Variants in GPR176 observed in about 807,000 individuals in gnomAD.
The protein encoded by GPR176 is G-protein coupled receptor 176.
GPR176 carries 26 observed loss-of-function variants against 35.4 expected under a neutral mutation model. That is an observed-to-expected ratio of 0.74 (90% CI 0.54 to 1.02). The LOEUF is 1.02. Ranked by LOEUF, GPR176 falls within the 50% of genes least tolerant of loss-of-function variation. The pLI is 0.00. For missense variants in GPR176, 597 were observed against 665.3 expected, an observed-to-expected ratio of 0.90 and a Z score of 1.13; for synonymous variants, 278 against 271.3, an observed-to-expected ratio of 1.02 and a Z score of -0.24.
chr15:39,902,290 A>G (rs1383253999), intron 1 of GPR176, among the ~76,000 whole-genome samples: 1 of 152,214 alleles, frequency 6.6e-6, no homozygotes, highest in East Asian at 1.9e-4. Flanking sequence ...GCCAGGCTAG[A>G]ATTTACCCTT....
At chr15:39,887,579 T>C (rs1281601002) in intron 1 of GPR176, among the ~76,000 whole-genome samples, 2 of 137,296 alleles carry the variant, frequency 1.5e-5, no homozygotes, top group Non-Finnish European at 3.1e-5. Context: ...TTATGCAGCA[T>C]CCAACAGTTA....
In GPR176 at chr15:39,919,876, TGAC is replaced by T; in HGVS notation, c.148_150del (p.Val50del). ...TTACCGAGCAGCGAGCCTATGAAGATGACGACCTGCACGGTGGTGGTGAACTGG... is the reference window on the plus strand; with the variant it reads ...TTACCGAGCAGCGAGCCTATGAAGATGACCTGCACGGTGGTGGTGAACTGG... On this transcript the variant is annotated inframe_deletion, in exon 1 of 3. Transcript: ENST00000561100. The T allele has an allele frequency of 6.8e-7, 1 of 1,476,268 alleles. No homozygotes were observed. Among genetic ancestry groups the T allele is most frequent in the Non-Finnish European group, 9.0e-7 (1 of 1,115,026 alleles). 91.4% of individuals were successfully genotyped at this position (1,476,268 alleles called of 1,614,324 possible). A position where few individuals can be genotyped will look rare whatever the true frequency, so the allele number is the denominator to read the frequency against.
intron 1 of GPR176, among the ~76,000 whole-genome samples, chr15:39,841,216 C>T (rs761874328): frequency 4.6e-5 from 7 of 152,100 alleles, no homozygotes; most frequent in African/African-American, 9.7e-5. Context: ...CCCATTAAGG[C>T]TTGACAATGG....
chr15:39,910,018 C>G, intron 1 of GPR176: 1 of 228,158 alleles, frequency 4.4e-6, no homozygotes, highest in Non-Finnish European at 7.3e-6. Context: ...ACTAAGAACG[C>G]TGATGAATAC....
chr15:39,883,271 C>T (rs1033672510), intron 1 of GPR176, among the ~76,000 whole-genome samples: 3 of 152,058 alleles, frequency 2.0e-5, no homozygotes, highest in Admixed American at 6.5e-5. Context: ...GGAAAAAACA[C>T]TAGATAAGGA....
At chr15:39,875,934 A>T (rs186812160) in intron 1 of GPR176, among the ~76,000 whole-genome samples, 376 of 144,022 alleles carry the variant, frequency 2.6e-3, no homozygotes, top group African/African-American at 8.9e-3. Context: ...TATATATATG[A>T]GTTTAAATAT....
chr15:39,888,663 C>T (rs938103040), intron 1 of GPR176, among the ~76,000 whole-genome samples: 1 of 152,204 alleles, frequency 6.6e-6, no homozygotes, highest in Admixed American at 6.5e-5. Flanking sequence ...GTAAAGAGAA[C>T]ATTTTTTTTC....
At chr15:39,889,206 A>G (rs2140856789) in intron 1 of GPR176, among the ~76,000 whole-genome samples, 1 of 152,326 alleles carries the variant, frequency 6.6e-6, no homozygotes, top group Admixed American at 6.5e-5. Context: ...TCCCTGCTTT[A>G]CAACTAGGAA....
At chr15:39,835,047 C>G (rs956644050) in intron 1 of GPR176, among the ~76,000 whole-genome samples, 1 of 151,984 alleles carries the variant, frequency 6.6e-6, no homozygotes, top group African/African-American at 2.4e-5. Flanking sequence ...GACAGAGTTT[C>G]GCTCTTGTTG....
intron 1 of GPR176, among the ~76,000 whole-genome samples, chr15:39,840,419 G>A (rs935529595): frequency 2.6e-5 from 4 of 152,150 alleles, no homozygotes; most frequent in South Asian, 2.1e-4. Context: ...ACTCATAGGC[G>A]GGAATTGAAC....
chr15:39,897,753 A>G (rs1490949655), intron 1 of GPR176, among the ~76,000 whole-genome samples: 1 of 152,124 alleles, frequency 6.6e-6, no homozygotes, highest in Non-Finnish European at 1.5e-5. Flanking sequence ...TATTTTTAAA[A>G]AATTATTTGG....
intron 1 of GPR176, among the ~76,000 whole-genome samples, chr15:39,886,157 C>A (rs958796906): frequency 6.6e-6 from 1 of 151,842 alleles, no homozygotes; most frequent in Admixed American, 6.6e-5. Flanking sequence ...CACTTGAACC[C>A]GGGAGTAGGA....
At chr15:39,841,434 C>A (rs1189276792) in intron 1 of GPR176, among the ~76,000 whole-genome samples, 1 of 146,494 alleles carries the variant, frequency 6.8e-6, no homozygotes, top group Non-Finnish European at 1.5e-5. Context: ...TTATGGTGGG[C>A]CCTAATCCAA....
chr15:39,809,932 T>G (rs1899434141), intron 1 of GPR176, among the ~76,000 whole-genome samples: 1 of 151,702 alleles, frequency 6.6e-6, no homozygotes, highest in African/African-American at 2.4e-5. Flanking sequence ...GATCACGAGG[T>G]CAGGAGATCG....
At chr15:39,868,209 G>A (rs910440859) in intron 1 of GPR176, among the ~76,000 whole-genome samples, 3 of 152,138 alleles carry the variant, frequency 2.0e-5, no homozygotes, top group Admixed American at 1.3e-4. Context: ...CTGGGATCAC[G>A]AACAGCCACC....
chr15:39,900,459 A>G (rs2033244481), intron 1 of GPR176, among the ~76,000 whole-genome samples: 1 of 152,166 alleles, frequency 6.6e-6, no homozygotes, highest in African/African-American at 2.4e-5. Flanking sequence ...ACAGTACACA[A>G]ATTAAAGATG....
chr15:39,872,727 G>C, intron 1 of GPR176, among the ~76,000 whole-genome samples: 1 of 152,100 alleles, frequency 6.6e-6, no homozygotes, highest in Middle Eastern at 3.2e-3. Flanking sequence ...GAGTTGGTGG[G>C]GAGGTGCCAC....
intron 1 of GPR176, among the ~76,000 whole-genome samples, chr15:39,875,912 G>A (rs1214497352): frequency 7.4e-6 from 1 of 134,312 alleles, no homozygotes; most frequent in Non-Finnish European, 1.7e-5. Flanking sequence ...TCCTCCCAAT[G>A]TTTAACTCAT....
intron 1 of GPR176, among the ~76,000 whole-genome samples, chr15:39,889,492 A>G (rs2032788049): frequency 6.6e-6 from 1 of 152,034 alleles, no homozygotes; most frequent in Non-Finnish European, 1.5e-5. Flanking sequence ...GGTTGCAGTG[A>G]GCTGAGATTG....
Sources: gnomAD v4.1 joint callset for allele counts (sites outside exome capture counted in the v4.1 genomes callset) on GRCh38, gnomAD v4.1.1 for gene constraint, MANE v1.5 for transcripts, NCBI Gene and HGNC (gene_info 2026-07-23, HGNC 2026-07-21) for gene names.